Variants in GOLM1 observed in about 807,000 individuals in gnomAD.
GOLM1 encodes epididymis luminal protein 46.
A neutral mutation model predicts 50.5 loss-of-function variants in GOLM1; 31 were observed. The ratio of observed to expected loss-of-function variants is 0.61; its 90% CI spans 0.46 to 0.83. The LOEUF is 0.83. Ranked by LOEUF, GOLM1 falls within the 40% of genes least tolerant of loss-of-function variation. The pLI, the probability that GOLM1 is intolerant of heterozygous loss-of-function variation, is 0.00. For synonymous variants in GOLM1, 178 were observed against 192.8 expected, an observed-to-expected ratio of 0.92 and a Z score of 0.64; for missense variants, 491 against 501.3, an observed-to-expected ratio of 0.98 and a Z score of 0.20.
chr9:86,084,612 T>C (rs1247344357), intron 1 of GOLM1, among the ~76,000 whole-genome samples: 1 of 152,210 alleles, frequency 6.6e-6, no homozygotes, highest in Admixed American at 6.5e-5. Flanking sequence ...ATATAGGAAC[T>C]ATATGTACTA....
At chr9:86,051,839 T>A (rs554240406) in intron 4 of GOLM1, among the ~76,000 whole-genome samples, 1 of 152,230 alleles carries the variant, frequency 6.6e-6, no homozygotes, top group East Asian at 1.9e-4. Flanking sequence ...ACATAAGACT[T>A]TTTAATATTC....
rs1276980708 is a variant in GOLM1, at chr9:86,035,866, C to CAA, written c.758-243_758-242dup. ...CGCGACAAAGGGAAAAGTAGCTTAC[C>CAA]AAAAAAAAAAACAAAACAAAAAAAA... On this transcript the variant is annotated intron_variant, in intron 7 of 9. Transcript: ENST00000388712. 2.0e-3 allele frequency among the ~76,000 whole-genome samples: 94 copies of CAA among 46,688 alleles called. 3 individuals carry two copies. Among genetic ancestry groups the CAA allele is most frequent in the African/African-American group, 7.3e-3 (79 of 10,802 alleles). 30.6% of individuals were successfully genotyped at this position (46,688 alleles called of 152,430 possible).
intron 6 of GOLM1, 142 bp from the exon 7 acceptor site, chr9:86,036,649 T>G: frequency 1.3e-6 from 1 of 784,702 alleles, no homozygotes; most frequent in East Asian, 2.7e-5. Flanking sequence ...CACAGTCTAC[T>G]CTGGTCACGC....
chr9:86,070,581 A>C (rs533848124), intron 3 of GOLM1, among the ~76,000 whole-genome samples: 51 of 151,948 alleles, frequency 3.4e-4, no homozygotes, highest in African/African-American at 1.2e-3. Context: ...AAAAAAAAAA[A>C]ACAAAAAAAA....
chr9:86,040,560 C>G (rs1270078135), intron 6 of GOLM1, among the ~76,000 whole-genome samples, 179 bp downstream of exon 6: 1 of 152,212 alleles, frequency 6.6e-6, no homozygotes. Flanking sequence ...GGCTGGAGGT[C>G]AGAACCCTTG....
chr9:86,075,713 A>G (rs1276546607), intron 3 of GOLM1, among the ~76,000 whole-genome samples: 2 of 152,234 alleles, frequency 1.3e-5, no homozygotes, highest in Admixed American at 6.5e-5. Flanking sequence ...TTTATATCGC[A>G]TATTCTAAAA....
At chr9:86,097,906 A>G (rs1023096402) in intron 1 of GOLM1, among the ~76,000 whole-genome samples, 28 of 152,298 alleles carry the variant, frequency 1.8e-4, no homozygotes, top group African/African-American at 6.0e-4. Flanking sequence ...AGCGGGTGGA[A>G]TGTAAATGCA....
At chr9:86,049,917 G>A (rs2118717890) in intron 4 of GOLM1, among the ~76,000 whole-genome samples, 1 of 152,268 alleles carries the variant, frequency 6.6e-6, no homozygotes, top group Non-Finnish European at 1.5e-5. Flanking sequence ...AATAGGAGTG[G>A]TGAGACAGGG....
At chr9:86,046,203 T>G (rs1385125309) in intron 5 of GOLM1, among the ~76,000 whole-genome samples, 1 of 152,246 alleles carries the variant, frequency 6.6e-6, no homozygotes, top group East Asian at 1.9e-4. Context: ...TTTTTAAAGC[T>G]TTATGTTGTT....
In GOLM1 at chr9:86,036,577, C is replaced by G. The variant is rs895618773; in HGVS notation, c.598-70G>C. On this transcript the variant is annotated intron_variant, in intron 6 of 9. Coordinates refer to ENST00000388712, the MANE Select transcript of GOLM1 (RefSeq NM_016548.4). ...AACAGAAGCCGTAAAAGAATCCTAC[C>G]AATGCAATGAATCCCACCAATCCCA... The G allele has an allele frequency of 2.7e-6, 4 of 1,499,586 alleles. No individual in the cohort carries two copies. In the African/African-American group the frequency reaches 5.6e-5, roughly 21 times the overall value. 92.9% of individuals were successfully genotyped at this position (1,499,586 alleles called of 1,614,324 possible).
chr9:86,084,116 T>C (rs972600009), intron 1 of GOLM1, among the ~76,000 whole-genome samples: 1 of 152,212 alleles, frequency 6.6e-6, no homozygotes, highest in Non-Finnish European at 1.5e-5. Flanking sequence ...GCAAGCTTAC[T>C]GTTGTGAGGC....
intron 3 of GOLM1, 25 bp from the exon 4 acceptor site, chr9:86,052,616 A>G: frequency 1.2e-6 from 2 of 1,605,728 alleles, no homozygotes; most frequent in Non-Finnish European, 1.7e-6. Context: ...AACTCGCATG[A>G]AACACCCAAA....
chr9:86,078,864 C>T (rs1194922592), intron 2 of GOLM1, among the ~76,000 whole-genome samples: 1 of 152,230 alleles, frequency 6.6e-6, no homozygotes. Context: ...CCGCAAACAA[C>T]GGACTATGGC....
intron 3 of GOLM1, among the ~76,000 whole-genome samples, chr9:86,053,743 C>G (rs555974199): frequency 1.6e-4 from 1 of 6,072 alleles, no homozygotes; most frequent in South Asian, 4.6e-3. Flanking sequence ...TCCACACACA[C>G]CACACACTAC....
chr9:86,040,876 G>C lies in GOLM1; in HGVS notation c.468-8C>G, dbSNP rs1296580405. ...TGATTGATGCACTGGCTCCTTTGGT[G>C]AAAGAAAGCAAAGGAAGGGCCTGAC... On this transcript the variant is annotated splice_polypyrimidine_tract_variant and splice_region_variant and intron_variant, in intron 5 of 9. Transcript: ENST00000388712. The C allele has an allele frequency of 2.5e-6, 4 of 1,612,748 alleles. No homozygotes were observed. The highest frequency in any genetic ancestry group is 4.5e-5 in the East Asian group (2 of 44,864).
intron 1 of GOLM1, among the ~76,000 whole-genome samples, chr9:86,080,945 C>T (rs138795041): frequency 1.8e-4 from 28 of 152,222 alleles, no homozygotes; most frequent in Non-Finnish European, 2.9e-4. Context: ...GAGTCAGTCA[C>T]GCAATTGTGG....
At chr9:86,031,483 C>T (rs1181393890) in intron 9 of GOLM1, among the ~76,000 whole-genome samples, 11 of 115,382 alleles carry the variant, frequency 9.5e-5, no homozygotes, top group Non-Finnish European at 1.5e-4. Flanking sequence ...TTCCCCGAGA[C>T]GGAGTTTCAC....
intron 1 of GOLM1, among the ~76,000 whole-genome samples, chr9:86,087,560 T>C (rs961600836): frequency 5.3e-5 from 8 of 152,248 alleles, no homozygotes; most frequent in African/African-American, 1.9e-4. Flanking sequence ...CCATTCAGTA[T>C]GATACTGGCT....
chr9:86,038,313 G>C (rs942704867), intron 6 of GOLM1, among the ~76,000 whole-genome samples: 1 of 152,146 alleles, frequency 6.6e-6, no homozygotes, highest in Non-Finnish European at 1.5e-5. Context: ...TGTGCTTCCA[G>C]CAGTGTGGCG....
Sources: gnomAD v4.1 joint callset for allele counts (sites outside exome capture counted in the v4.1 genomes callset) on GRCh38, gnomAD v4.1.1 for gene constraint, MANE v1.5 for transcripts, NCBI Gene and HGNC (gene_info 2026-07-23, HGNC 2026-07-21) for gene names.